The following HCN3 variants were observed in gnomAD, a reference collection of about 807,000 sequenced individuals.
HCN3 encodes the protein potassium/sodium hyperpolarization-activated cyclic nucleotide-gated channel 3.
HCN3 carries 36 observed loss-of-function variants against 56.8 expected under a neutral mutation model. The ratio of observed to expected loss-of-function variants is 0.63; its 90% CI spans 0.49 to 0.84. HCN3 has a LOEUF of 0.84. Among genes scored for constraint, HCN3 ranks in the 40% least tolerant of loss-of-function variants. The pLI is 0.00. For missense variants in HCN3, 930 were observed against 1,079.3 expected, an observed-to-expected ratio of 0.86 and a Z score of 1.94; for synonymous variants, 425 against 439.7, an observed-to-expected ratio of 0.97 and a Z score of 0.42.
rs1674104107 is a variant in HCN3, at chr1:155,282,630, G to A, written c.498G>A (p.Thr166=). The change falls in exon 2 of 8, where the codon ACG becomes ACA. Residue 166 remains threonine, a synonymous_variant. Transcript: ENST00000368358. The surrounding 1 kb of genome is among the most constrained non-coding windows in gnomAD (Gnocchi z 4.7). The part of the protein sequence containing the change: ...EILLAPRAIR[T]RYLRTWFLVD... ...TGCTGGCACCGCGGGCCATCCGCAC[G>A]CGCTACCTGCGCACCTGGTTCCTGG... is the stretch of plus-strand genomic sequence containing the variant. The A allele has an allele frequency of 6.2e-7, 1 of 1,614,224 alleles. No individual in the cohort carries two copies. The highest frequency in any genetic ancestry group is 2.2e-5 in the East Asian group (1 of 44,886).
Position 155,282,279 on chromosome 1 carries a change from C to A in HCN3, c.279-132C>A. 1.2e-6 allele frequency: 1 copy of A among 845,944 alleles called. No homozygotes were observed. Among genetic ancestry groups the A allele is most frequent in the East Asian group, 2.6e-5 (1 of 38,868 alleles). 52.4% of individuals were successfully genotyped at this position (845,944 alleles called of 1,614,324 possible). A position where few individuals can be genotyped will look rare whatever the true frequency, so the allele number is the denominator to read the frequency against. On this transcript the variant is annotated intron_variant, in intron 1 of 7. Coordinates refer to ENST00000368358, the MANE Select transcript of HCN3 (RefSeq NM_020897.3). The surrounding 1 kb of genome is among the most constrained non-coding windows in gnomAD (Gnocchi z 4.7). ...AAATGGTGGTCCCAACTTATACTCC[C>A]AACAGCTGTAAACAGTCATTCTGTT...
In HCN3 at chr1:155,277,574, T is replaced by A. The variant is rs1287540413; in HGVS notation, c.-17T>A. ...AGAGGGCTCTAGGAGGCCGAGCGTG[T>A]AAGCGGGGTGGGCGCCATGGAGGCA... On this transcript the variant is annotated 5_prime_UTR_variant, in exon 1 of 8. The change abolishes the stop of an existing upstream ORF in the 5' untranslated region. Coordinates refer to ENST00000368358, the MANE Select transcript of HCN3 (RefSeq NM_020897.3). The A allele has an allele frequency of 2.6e-6, 4 of 1,555,446 alleles. No individual in the cohort carries two copies. In the South Asian group the frequency reaches 3.6e-5, roughly 14 times the overall value.
intron 6 of HCN3, 117 bp from the exon 7 acceptor site, chr1:155,287,056 T>C: frequency 1.7e-6 from 2 of 1,175,418 alleles, no homozygotes; most frequent in Non-Finnish European, 2.4e-6. Context: ...AGGTAATCAA[T>C]GGTTTCTCCC....
rs755344667 is a variant in HCN3 at position 155,277,774 on chromosome 1, C to T, written c.184C>T (p.Leu62Phe). The T allele has an allele frequency of 6.2e-7, 1 of 1,610,800 alleles. No homozygotes were observed. Among genetic ancestry groups the T allele is most frequent in the Non-Finnish European group, 8.5e-7 (1 of 1,179,062 alleles). ...LLQPTVNKFS[L>F]RVFGSHKAVE... ...CCAGCCTACGGTCAACAAGTTCTCC[C>T]TTCGGGTGTTCGGCAGCCACAAAGC... The change falls in exon 1 of 8, where the codon CTT becomes TTT. Residue 62 changes from leucine (L) to phenylalanine (F), a missense_variant. Transcript: ENST00000368358.
chr1:155,288,027 C>T lies in HCN3; in HGVS notation c.1889C>T (p.Pro630Leu), dbSNP rs35001694. 42,785 of 1,613,936 alleles carry T rather than the reference C, an allele frequency of 0.027. 747 individuals are homozygous for T. Among genetic ancestry groups the T allele is most frequent in the Middle Eastern group, 0.096 (584 of 6,062 alleles). The change falls in exon 8 of 8, where the codon CCT (proline) becomes CTT (leucine). Residue 630 changes from proline to leucine, a missense_variant. Pro to Leu is a moderately conservative substitution (Grantham distance 98). Transcript: ENST00000368358. This position sits in a 1 kb window ranked among gnomAD's most constrained non-coding sequence, Gnocchi z 6.5. The stretch of plus-strand genomic sequence containing the variant: ...ATTGCCCTGACTCATCAGCGGGGCC[C>T]TCTGCCCCTCTCCCCTGACTCTCCA... ...VAIALTHQRGPLPLSPDSPAT... is the reference protein window; with the variant it reads ...VAIALTHQRGLLPLSPDSPAT...
intron 1 of HCN3, among the ~76,000 whole-genome samples, chr1:155,279,727 A>G (rs1290611715): frequency 1.3e-5 from 2 of 152,144 alleles, no homozygotes; most frequent in Admixed American, 6.6e-5. Flanking sequence ...TCTGGGGATA[A>G]AGAGTGAGTG....
Position 155,285,432 on chromosome 1 carries a change from G to C in HCN3, c.1236+121G>C. 1 of 1,340,230 alleles carries C rather than the reference G, an allele frequency of 7.5e-7. No individual in the cohort carries two copies. The highest frequency in any genetic ancestry group is 2.5e-5 in the East Asian group (1 of 40,204). The allele number at this position is 1,340,230 out of a possible 1,614,324, so 83.0% of individuals were successfully genotyped here. On this transcript the variant is annotated intron_variant, in intron 5 of 7. Transcript: ENST00000368358. The surrounding 1 kb of genome is among the most constrained non-coding windows in gnomAD (Gnocchi z 4.5). ...ATGAGGCCTGCAGAGGGCCCCGTGG[G>C]AGGCCAGGTATTTGGGCTTTCAGGG...
chr1:155,288,260 CG>C lies in HCN3; in HGVS notation c.2126del (p.Gly709AlafsTer75). 6.3e-7 allele frequency: 1 copy of C among 1,597,582 alleles called. No individual in the cohort carries two copies. Among genetic ancestry groups the C allele is most frequent in the South Asian group, 1.1e-5 (1 of 90,102 alleles). ...PGGGGRRLGP[R>X]GRPLSASQPS... ...AGGAGGTGGACGGCGGCTAGGACCT[CG>C]GGGCCGCCCACTCTCAGCCTCCCAA... On this transcript the variant is annotated frameshift_variant, in exon 8 of 8. Coordinates refer to ENST00000368358, the MANE Select transcript of HCN3 (RefSeq NM_020897.3). LOFTEE classifies it high-confidence loss of function. This position sits in a 1 kb window ranked among gnomAD's most constrained non-coding sequence, Gnocchi z 6.5.
Position 155,280,738 on chromosome 1 carries a change from A to ATTTTTTTTTTTT in HCN3, c.279-1651_279-1640dup, listed in dbSNP as rs34480594. On this transcript the variant is annotated intron_variant, in intron 1 of 7. Transcript: ENST00000368358. ...CAGGCGTGAGCCACCACGCCCAGCT[A>ATTTTTTTTTTTT]TTTTTTTTTTTTTTTTTTTTTTTTT... 8.7e-5 allele frequency among the ~76,000 whole-genome samples: 3 copies of ATTTTTTTTTTTT among 34,538 alleles called. 1 individual carries two copies. The highest frequency in any genetic ancestry group is 2.8e-4 in the African/African-American group (2 of 7,198). The allele number at this position is 34,538 out of a possible 152,430, so 22.7% of individuals were successfully genotyped here.
Position 155,286,629 on chromosome 1 carries a change from G to A in HCN3, c.1478-544G>A, listed in dbSNP as rs528918462. 3.9e-5 allele frequency among the ~76,000 whole-genome samples: 6 copies of A among 152,284 alleles called. No individual in the cohort carries two copies. In the South Asian group the frequency reaches 6.2e-4, roughly 16 times the overall value. On this transcript the variant is annotated intron_variant, in intron 6 of 7. Transcript: ENST00000368358. ...AAGCTTTTTGGAGCTGCCTGGTGGCGTGTTTCAGGGACCCAGCCTGTGGCA... is the reference window on the plus strand; with the variant it reads ...AAGCTTTTTGGAGCTGCCTGGTGGCATGTTTCAGGGACCCAGCCTGTGGCA...
chr1:155,286,824 A>T (rs940176174), intron 6 of HCN3, among the ~76,000 whole-genome samples: 4 of 151,792 alleles, frequency 2.6e-5, no homozygotes, highest in Non-Finnish European at 4.4e-5. Flanking sequence ...GGGTGGGTAC[A>T]CTGAGTTGCC....
chr1:155,284,701 C>T lies in HCN3; in HGVS notation c.1033C>T (p.His345Tyr), dbSNP rs759336992. ...GATCYAMFIGHATALIQSLDS... is the reference protein window; with the variant it reads ...GATCYAMFIGYATALIQSLDS... ...CACATGCTACGCCATGTTCATCGGC[C>T]ATGCCACGGCACTCATCCAGTCCCT... Residue 345 changes from histidine (H) to tyrosine (Y), a missense_variant, in exon 4 of 8, where the codon CAT (histidine) becomes TAT (tyrosine). Physicochemically the swap from His to Tyr is moderately conservative, Grantham distance 83. Transcript: ENST00000368358. This position sits in a 1 kb window ranked among gnomAD's most constrained non-coding sequence, Gnocchi z 4.3. The T allele has an allele frequency of 1.2e-6, 2 of 1,614,106 alleles. No homozygotes were observed. The highest frequency in any genetic ancestry group is 2.7e-5 in the African/African-American group (2 of 74,926).
Position 155,287,183 on chromosome 1 carries a change from G to C in HCN3, c.1488G>C (p.Leu496=). Residue 496 remains leucine (L), a synonymous_variant, in exon 7 of 8, where the codon CTG becomes CTC. Transcript: ENST00000368358. ...TDGSYFGEIC[L]LTRGRRTASV... ...TCCCAATTTCTGCAGAGATCTGCCT[G>C]CTAACTAGGGGCCGGCGCACAGCCA... 1 of 1,613,046 alleles carries C rather than the reference G, an allele frequency of 6.2e-7. No homozygotes were observed. Among genetic ancestry groups the C allele is most frequent in the Non-Finnish European group, 8.5e-7 (1 of 1,179,942 alleles).
At position 155,285,987 on chromosome 1, in the gene HCN3, G is replaced by C; in HGVS notation, c.1477+23G>C. On this transcript the variant is annotated intron_variant, in intron 6 of 7. Coordinates refer to ENST00000368358, the MANE Select transcript of HCN3 (RefSeq NM_020897.3). This position sits in a 1 kb window ranked among gnomAD's most constrained non-coding sequence, Gnocchi z 4.5. ...GGGGTCAGCAGGCCTCAGGGAGGGT[G>C]GCAGGGTCACGAGCAGACAGTGGAG... The C allele has an allele frequency of 1.3e-6, 2 of 1,558,114 alleles. No individual in the cohort carries two copies. Among genetic ancestry groups the C allele is most frequent in the Non-Finnish European group, 1.7e-6 (2 of 1,148,056 alleles).
In HCN3 at chr1:155,277,798, G is replaced by C. The variant is rs1241718805; in HGVS notation, c.208G>C (p.Ala70Pro). ...CCTTCGGGTGTTCGGCAGCCACAAA[G>C]CAGTGGAAATCGAGCAGGAGCGGGT... ...FSLRVFGSHK[A>P]VEIEQERVKS... The change falls in exon 1 of 8, where the codon GCA (alanine) becomes CCA (proline). Residue 70 changes from alanine to proline, a missense_variant. Physicochemically the swap from Ala to Pro is conservative, Grantham distance 27. Transcript: ENST00000368358. 1 of 1,612,626 alleles carries C rather than the reference G, an allele frequency of 6.2e-7. No homozygotes were observed. The highest frequency in any genetic ancestry group is 1.1e-5 in the South Asian group (1 of 90,936).
At position 155,285,743 on chromosome 1, in the gene HCN3, G is replaced by A. The variant is rs1674256074; in HGVS notation, c.1256G>A (p.Cys419Tyr). The A allele has an allele frequency of 1.2e-6, 2 of 1,614,042 alleles. No homozygotes were observed. Among genetic ancestry groups the A allele is most frequent in the Admixed American group, 1.7e-5 (1 of 60,000 alleles). ...GTCCAGGAGATCATTAACTTCACCT[G>A]TCGGGGCCTGGTGGCCCACATGCCG... Reference protein sequence around the residue: ...PLREEIINFTCRGLVAHMPLF... With the variant: ...PLREEIINFTYRGLVAHMPLF... Residue 419 changes from cysteine (C) to tyrosine (Y), a missense_variant, in exon 6 of 8, where the codon TGT becomes TAT. By Grantham distance (194) the Cys-to-Tyr change is radical (BLOSUM62 -2). Coordinates refer to ENST00000368358, the MANE Select transcript of HCN3 (RefSeq NM_020897.3). The surrounding 1 kb of genome is among the most constrained non-coding windows in gnomAD (Gnocchi z 4.5).
rs182111609 is a variant in HCN3, at chr1:155,283,471, A to G, written c.709-503A>G. Among the ~76,000 whole-genome samples, 560 of 151,748 alleles carry G rather than the reference A, an allele frequency of 3.7e-3. 3 individuals carry two copies. The highest frequency in any genetic ancestry group is 7.6e-3 in the Admixed American group (116 of 15,252). On this transcript the variant is annotated intron_variant, in intron 2 of 7. Transcript: ENST00000368358. ...TGCACATTGTGCAGGTTAGTTACAT[A>G]TGTATACATGTGCTATGCTGGTGCG...
rs1385505764 is a variant in HCN3, at chr1:155,281,134, G to A, written c.279-1277G>A. On this transcript the variant is annotated intron_variant, in intron 1 of 7. Transcript: ENST00000368358. ...CACCCAGGCTGGAGTACAGTGGCGT[G>A]ATCTCTGTTCACTGCAGCCTCCGCC... Among the ~76,000 whole-genome samples, 20 of 145,606 alleles carry A rather than the reference G, an allele frequency of 1.4e-4. No individual in the cohort carries two copies. The Admixed American group carries it at 1.4e-3, about 10-fold the overall frequency.
At chr1:155,286,381 G>A (rs566342986) in intron 6 of HCN3, among the ~76,000 whole-genome samples, 101 of 152,120 alleles carry the variant, frequency 6.6e-4, no homozygotes, top group Non-Finnish European at 1.2e-3. Flanking sequence ...TCCTGACCTC[G>A]TGATCCGCCC....
Sources: allele counts gnomAD v4.1 joint callset (sites outside exome capture counted in the v4.1 genomes callset), GRCh38; gene constraint gnomAD v4.1.1; non-coding constraint Gnocchi (gnomAD v3.1); transcripts MANE v1.5; gene names NCBI Gene and HGNC (gene_info 2026-07-23, HGNC 2026-07-21).